Variants in PPP3CC observed in about 807,000 individuals in gnomAD.
PPP3CC encodes the protein serine/threonine-protein phosphatase 2B catalytic subunit gamma isoform.
Under a neutral mutation model 60.3 loss-of-function variants are expected in PPP3CC, and 35 were observed. That is an observed-to-expected ratio of 0.58 (90% CI 0.44 to 0.77). The LOEUF (loss-of-function observed/expected upper bound fraction) is 0.77. PPP3CC is among the 30% of genes least tolerant of loss of function. The pLI, the probability that PPP3CC is intolerant of heterozygous loss-of-function variation, is 0.00. For missense variants in PPP3CC, 570 were observed against 628.9 expected (o/e 0.91, Z 1.00); for synonymous variants, 206 against 224.3 (o/e 0.92, Z 0.73).
At chr8:22,442,295 G>T (rs187313147) in intron 1 of PPP3CC, among the ~76,000 whole-genome samples, 1 of 152,190 alleles carries the variant, frequency 6.6e-6, no homozygotes, top group Non-Finnish European at 1.5e-5. Flanking sequence ...GCGCTATTTT[G>T]TAAGAAGGGA....
chr8:22,518,339 T>C (rs992726318), intron 6 of PPP3CC, among the ~76,000 whole-genome samples: 1 of 152,224 alleles, frequency 6.6e-6, no homozygotes, highest in African/African-American at 2.4e-5. Context: ...ATTTCCTCTT[T>C]GACACAATAG....
At chr8:22,472,624 G>A (rs1837764515) in intron 1 of PPP3CC, among the ~76,000 whole-genome samples, 1 of 152,024 alleles carries the variant, frequency 6.6e-6, no homozygotes, top group Non-Finnish European at 1.5e-5. Context: ...GTTTTGCTTG[G>A]TTTATTTCTA....
At chr8:22,445,078 G>T (rs1441037296) in intron 1 of PPP3CC, among the ~76,000 whole-genome samples, 1 of 152,142 alleles carries the variant, frequency 6.6e-6, no homozygotes, top group Non-Finnish European at 1.5e-5. Flanking sequence ...TTTTAGTAAG[G>T]TGCTGATACA....
chr8:22,472,632 C>T (rs1429104858), intron 1 of PPP3CC, among the ~76,000 whole-genome samples: 5 of 152,080 alleles, frequency 3.3e-5, no homozygotes, highest in African/African-American at 1.2e-4. Flanking sequence ...TGGTTTATTT[C>T]TATTTTTCAT....
At chr8:22,472,627 T>C (rs1837764694) in intron 1 of PPP3CC, among the ~76,000 whole-genome samples, 1 of 152,146 alleles carries the variant, frequency 6.6e-6, no homozygotes, top group Non-Finnish European at 1.5e-5. Flanking sequence ...TTGCTTGGTT[T>C]ATTTCTATTT....
chr8:22,487,639 A>AC (rs2132491071), intron 3 of PPP3CC, among the ~76,000 whole-genome samples: 1 of 152,150 alleles, frequency 6.6e-6, no homozygotes, highest in East Asian at 1.9e-4. Context: ...GAAAAAAAAA[A>AC]TAAAAACAAA....
Position 22,498,008 on chromosome 8 carries a change from T to C in PPP3CC, c.380T>C (p.Leu127Pro). The C allele has an allele frequency of 6.2e-7, 1 of 1,607,778 alleles. No individual in the cohort carries two copies. The highest frequency in any genetic ancestry group is 1.1e-5 in the South Asian group (1 of 90,142). The part of the protein sequence containing the change: ...DRGYFSIECV[L>P]YLWSLKINHP... ...CTTGAATTTGTCTTGTAGTGTGTGC[T>C]GTATTTATGGAGTTTAAAGATTAAT... Residue 127 changes from leucine (L) to proline (P), a missense_variant, in exon 4 of 14, where the codon CTG (leucine) becomes CCG (proline). Transcript: ENST00000240139.
At chr8:22,480,298 A>G (rs1838023040) in intron 3 of PPP3CC, among the ~76,000 whole-genome samples, 1 of 152,202 alleles carries the variant, frequency 6.6e-6, no homozygotes, top group African/African-American at 2.4e-5. Flanking sequence ...TTTTTGAAAC[A>G]TTTATGTTAA....
At chr8:22,490,048 C>T (rs542263271) in intron 3 of PPP3CC, among the ~76,000 whole-genome samples, 6 of 151,884 alleles carry the variant, frequency 4.0e-5, no homozygotes, top group African/African-American at 1.4e-4. Context: ...TGGTCTGGAT[C>T]TCCTGACCTC....
At chr8:22,502,052 A>G (rs761212643) in intron 4 of PPP3CC, among the ~76,000 whole-genome samples, 9 of 151,976 alleles carry the variant, frequency 5.9e-5, no homozygotes, top group Non-Finnish European at 1.0e-4. Context: ...AAGTAAATAA[A>G]TGTTCACCTG....
chr8:22,493,376 CAAA>C (rs199822256), intron 3 of PPP3CC, among the ~76,000 whole-genome samples: 1 of 132,234 alleles, frequency 7.6e-6, no homozygotes. Flanking sequence ...CCTAGTATAC[CAAA>C]AAAAAAAAAA....
intron 1 of PPP3CC, among the ~76,000 whole-genome samples, chr8:22,458,512 T>G (rs1420614937): frequency 6.6e-6 from 1 of 151,416 alleles, no homozygotes; most frequent in Non-Finnish European, 1.5e-5. Flanking sequence ...ACAGGAGAAT[T>G]GCTTGAACCT....
At chr8:22,516,521 C>A (rs1839248582) in intron 6 of PPP3CC, among the ~76,000 whole-genome samples, 1 of 152,146 alleles carries the variant, frequency 6.6e-6, no homozygotes, top group South Asian at 2.1e-4. Context: ...AATTCCCCCA[C>A]TTACTAAGAT....
chr8:22,446,707 G>C (rs1479677420), intron 1 of PPP3CC, among the ~76,000 whole-genome samples: 4 of 148,746 alleles, frequency 2.7e-5, no homozygotes, highest in African/African-American at 7.4e-5. Context: ...TTAGGAGGCT[G>C]AGGTAGGAGA....
intron 1 of PPP3CC, among the ~76,000 whole-genome samples, chr8:22,447,811 C>CT (rs1262940351): frequency 6.6e-6 from 1 of 152,062 alleles, no homozygotes; most frequent in Non-Finnish European, 1.5e-5. Flanking sequence ...ATCCTGAAGT[C>CT]TTTTAGTTTC....
rs145110025 is a variant in PPP3CC at position 22,466,734 on chromosome 8, T to C, written c.50-8220T>C. On this transcript the variant is annotated intron_variant, in intron 1 of 13. Transcript: ENST00000240139. Reference sequence around the variant, plus strand: ...TTCTGGATATTAGCCCTTTGTCAGATGGGTAGATTGCAAAAATTTTTTCTG... The same window carrying C: ...TTCTGGATATTAGCCCTTTGTCAGACGGGTAGATTGCAAAAATTTTTTCTG... 4.4e-3 allele frequency among the ~76,000 whole-genome samples: 663 copies of C among 152,288 alleles called. 4 individuals carry two copies. Among genetic ancestry groups the C allele is most frequent in the Non-Finnish European group, 6.6e-3 (452 of 68,020 alleles).
intron 6 of PPP3CC, among the ~76,000 whole-genome samples, chr8:22,514,277 A>G (rs560909939): frequency 6.6e-6 from 1 of 150,938 alleles, no homozygotes; most frequent in East Asian, 1.9e-4. Flanking sequence ...AAAAAGGAAG[A>G]CATAAGAGAA....
intron 10 of PPP3CC, 55 bp downstream of exon 10, chr8:22,528,632 G>A: frequency 8.1e-7 from 1 of 1,229,628 alleles, no homozygotes; most frequent in East Asian, 2.5e-5. Context: ...TTTGGTTTTA[G>A]TTGTTTTAGT....
chr8:22,526,699 G>T (rs1378129728), intron 8 of PPP3CC, among the ~76,000 whole-genome samples: 2 of 152,114 alleles, frequency 1.3e-5, no homozygotes, highest in Admixed American at 6.5e-5. Context: ...TAAGGAATTG[G>T]ATTTTAAGAC....
Sources: allele counts gnomAD v4.1 joint callset (sites outside exome capture counted in the v4.1 genomes callset), GRCh38; gene constraint gnomAD v4.1.1; transcripts MANE v1.5; gene names NCBI Gene and HGNC (gene_info 2026-07-23, HGNC 2026-07-21).